The following SLC19A2 variants were observed in gnomAD, a reference collection of about 807,000 sequenced individuals.
The protein encoded by SLC19A2 is thiamine transporter 1.
In SLC19A2, 27 loss-of-function variants were observed where a neutral mutation model predicts 44.7. The ratio of observed to expected loss-of-function variants is 0.60; its 90% CI spans 0.45 to 0.83. The LOEUF is 0.83. SLC19A2 is among the 40% of genes least tolerant of loss of function. The pLI is 0.00. For missense variants in SLC19A2, 566 were observed against 613.7 expected (o/e 0.92, Z 0.82); for synonymous variants, 239 against 243.6 (o/e 0.98, Z 0.18).
intron 5 of SLC19A2, among the ~76,000 whole-genome samples, chr1:169,467,469 G>A (rs536830437): frequency 6.6e-6 from 1 of 150,734 alleles, no homozygotes; most frequent in East Asian, 2.5e-4. Context: ...GGTTGGGATG[G>A]GGGTGGGAGT....
At chr1:169,472,212 A>G (rs1658202360) in intron 2 of SLC19A2, among the ~76,000 whole-genome samples, 1 of 152,242 alleles carries the variant, frequency 6.6e-6, no homozygotes, top group African/African-American at 2.4e-5. Context: ...AATGGTACCA[A>G]GCACATTTTC....
chr1:169,483,902 T>G (rs1571541776), intron 1 of SLC19A2, among the ~76,000 whole-genome samples: 1 of 152,340 alleles, frequency 6.6e-6, no homozygotes, highest in Non-Finnish European at 1.5e-5. Context: ...TTGTTTTGGG[T>G]CTCCAGAATC....
Position 169,468,216 on chromosome 1 carries a change from A to G in SLC19A2, c.1260T>C (p.Tyr420=). ...QIAANLSMER[Y]ALVFGVNTFI... ...AGGTATTTACACCAAATACTAGGGC[A>G]TAGCGTTCCATGCTGAGGTTTGCAG... Residue 420 remains tyrosine (Y), a synonymous_variant, in exon 5 of 6, where the codon TAT becomes TAC. Transcript: ENST00000236137. The G allele has an allele frequency of 6.2e-7, 1 of 1,613,998 alleles. No homozygotes were observed. Among genetic ancestry groups the G allele is most frequent in the South Asian group, 1.1e-5 (1 of 91,076 alleles).
Position 169,477,552 on chromosome 1 carries a change from G to A in SLC19A2, c.410C>T (p.Thr137Ile). Reference protein sequence around the residue: ...LEFFYGIATATEIAYYSYIYS... With the variant: ...LEFFYGIATAIEIAYYSYIYS... ...GATATAAGAGTAATAGGCAATTTCA[G>A]TGGCTGTGGCGATGCCATAAAAAAA... is the stretch of plus-strand genomic sequence containing the variant. The change falls in exon 2 of 6, where the codon ACT (threonine) becomes ATT (isoleucine). Residue 137 changes from threonine (T) to isoleucine (I), a missense_variant. Thr to Ile is a moderately conservative substitution (Grantham distance 89). Coordinates refer to ENST00000236137, the MANE Select transcript of SLC19A2 (RefSeq NM_006996.3). The A allele has an allele frequency of 6.2e-7, 1 of 1,614,186 alleles. No homozygotes were observed. Among genetic ancestry groups the A allele is most frequent in the Non-Finnish European group, 8.5e-7 (1 of 1,180,040 alleles).
rs531115613 is a variant in SLC19A2, at chr1:169,468,975, A to G, written c.1031-139T>C. The G allele has an allele frequency of 2.0e-5, 14 of 710,596 alleles. No individual in the cohort carries two copies. The East Asian group carries it at 3.0e-4, about 15-fold the overall frequency. 44.0% of individuals were successfully genotyped at this position (710,596 alleles called of 1,614,324 possible). ...TAGCTCAAGATTATGGAGGGCCTTG[A>G]AACTCACACAGAAATTTCTGAACTT... On this transcript the variant is annotated intron_variant, in intron 3 of 5. Coordinates refer to ENST00000236137, the MANE Select transcript of SLC19A2 (RefSeq NM_006996.3).
intron 2 of SLC19A2, among the ~76,000 whole-genome samples, chr1:169,471,447 T>C (rs915304391): frequency 5.5e-5 from 8 of 146,000 alleles, no homozygotes; most frequent in African/African-American, 2.0e-4. Flanking sequence ...CTGGGCAACA[T>C]AGTAAGATCC....
chr1:169,468,355 C>T (rs925971909), intron 4 of SLC19A2, 103 bp from the exon 5 acceptor site: 6 of 1,028,884 alleles, frequency 5.8e-6, no homozygotes, highest in East Asian at 2.6e-5. Flanking sequence ...CATGAAGAGT[C>T]CTTCTTTCTA....
chr1:169,483,536 A>C (rs940031546), intron 1 of SLC19A2, among the ~76,000 whole-genome samples: 4 of 152,238 alleles, frequency 2.6e-5, no homozygotes, highest in African/African-American at 9.6e-5. Flanking sequence ...ATTTGCAATA[A>C]GAGAAGTACA....
rs886045531 is a variant in SLC19A2, at chr1:169,485,768, C to T, written c.-2G>A. ...AGACACCGGGCCGGGCACATCCATC[C>T]GGGGCGCGAGGGGAGGGGACCCGGC... On this transcript the variant is annotated 5_prime_UTR_variant, in exon 1 of 6. Transcript: ENST00000236137. 3.1e-5 allele frequency: 47 copies of T among 1,530,678 alleles called. No individual in the cohort carries two copies. The Admixed American group carries it at 9.0e-4, about 29-fold the overall frequency. The allele number at this position is 1,530,678 out of a possible 1,614,324, so 94.8% of individuals were successfully genotyped here.
At chr1:169,472,512 A>T (rs149445885) in intron 2 of SLC19A2, among the ~76,000 whole-genome samples, 16 of 152,350 alleles carry the variant, frequency 1.1e-4, no homozygotes, top group Non-Finnish European at 2.1e-4. Context: ...AAGATTATAC[A>T]GAGTTACACT....
intron 3 of SLC19A2, 120 bp downstream of exon 3, chr1:169,469,844 A>G (rs1342208995): frequency 4.3e-6 from 4 of 935,982 alleles, no homozygotes; most frequent in Admixed American, 1.9e-5. Flanking sequence ...CTAGCTCAAA[A>G]TAATCATTTT....
chr1:169,475,721 C>T (rs528527849), intron 2 of SLC19A2, among the ~76,000 whole-genome samples: 31 of 152,240 alleles, frequency 2.0e-4, no homozygotes, highest in East Asian at 1.7e-3. Context: ...GTCATTCTGA[C>T]AAAAAGTGCT....
At chr1:169,475,170 T>C (rs1034899712) in intron 2 of SLC19A2, among the ~76,000 whole-genome samples, 15 of 152,180 alleles carry the variant, frequency 9.9e-5, no homozygotes, top group Non-Finnish European at 2.1e-4. Flanking sequence ...GTATATAAAA[T>C]ACTGACACAC....
chr1:169,465,942 A>C lies in SLC19A2; in HGVS notation c.1401T>G (p.Ala467=). 1 of 1,614,122 alleles carries C rather than the reference A, an allele frequency of 6.2e-7. No homozygotes were observed. Among genetic ancestry groups the C allele is most frequent in the Non-Finnish European group, 8.5e-7 (1 of 1,179,968 alleles). The change falls in exon 6 of 6, where the codon GCT becomes GCG. Residue 467 remains alanine (A), a synonymous_variant. Transcript: ENST00000236137. ...LIYASYFALI[A]VVFLASGAVS... is the part of the protein sequence containing the mutation. Reference sequence around the variant, plus strand: ...CTGCACCACTGGCCAGGAAAACCACAGCGATGAGTGCAAAATAACTGGCAT... The same window carrying C: ...CTGCACCACTGGCCAGGAAAACCACCGCGATGAGTGCAAAATAACTGGCAT...
rs765247758 is a variant in SLC19A2, at chr1:169,477,435, C to T, written c.527G>A (p.Gly176Glu). 6.2e-7 allele frequency: 1 copy of T among 1,614,120 alleles called. No homozygotes were observed. The highest frequency in any genetic ancestry group is 1.1e-5 in the South Asian group (1 of 91,074). The part of the protein sequence containing the change: ...LVGFTVGSVL[G>E]QILVSVAGWS... ...GCCTGCCACTGAGACAAGGATTTGC[C>T]CTAGGACAGAGCCCACTGTAAAGCC... The change falls in exon 2 of 6, where the codon GGG becomes GAG. Residue 176 changes from glycine to glutamate, a missense_variant. Gly to Glu is a moderately conservative substitution (Grantham distance 98). Coordinates refer to ENST00000236137, the MANE Select transcript of SLC19A2 (RefSeq NM_006996.3).
Position 169,465,861 on chromosome 1 carries a change from T to TA in SLC19A2, c.1481dup (p.Thr495AsnfsTer8), listed in dbSNP as rs1657974167. On this transcript the variant is annotated frameshift_variant, in exon 6 of 6. Coordinates refer to ENST00000236137, the MANE Select transcript of SLC19A2 (RefSeq NM_006996.3). LOFTEE classifies it high-confidence loss of function. ...CTTCAGCAGTATATTATGAAGTGGT[T>TA]ACTTGAGAACTTGATTGTGGATCTT... 1 of 1,613,900 alleles carries TA rather than the reference T, an allele frequency of 6.2e-7. No individual in the cohort carries two copies. The highest frequency in any genetic ancestry group is 8.5e-7 in the Non-Finnish European group (1 of 1,179,948).
In SLC19A2 at chr1:169,485,775, C is replaced by T; in HGVS notation, c.-9G>A. On this transcript the variant is annotated 5_prime_UTR_variant, in exon 1 of 6. Coordinates refer to ENST00000236137, the MANE Select transcript of SLC19A2 (RefSeq NM_006996.3). ...GGGCCGGGCACATCCATCCGGGGCG[C>T]GAGGGGAGGGGACCCGGCCCGGCCC... 6.5e-7 allele frequency: 1 copy of T among 1,527,974 alleles called. No homozygotes were observed. Among genetic ancestry groups the T allele is most frequent in the Non-Finnish European group, 8.7e-7 (1 of 1,142,882 alleles). 94.7% of individuals were successfully genotyped at this position (1,527,974 alleles called of 1,614,324 possible).
chr1:169,473,198 T>C (rs567987200), intron 2 of SLC19A2, among the ~76,000 whole-genome samples: 6 of 152,186 alleles, frequency 3.9e-5, no homozygotes, highest in African/African-American at 7.2e-5. Flanking sequence ...TCTACTGTAG[T>C]GGTGGTTTTT....
At position 169,464,721 on chromosome 1, in the gene SLC19A2, A is replaced by G. The variant is rs1299740602; in HGVS notation, c.*1128T>C. The G allele has an allele frequency of 6.6e-6, 1 of 152,624 alleles. No individual in the cohort carries two copies. The highest frequency in any genetic ancestry group is 1.5e-5 in the Non-Finnish European group (1 of 68,008). The allele number at this position is 152,624 out of a possible 1,614,324, so 9.5% of individuals were successfully genotyped here. On this transcript the variant is annotated 3_prime_UTR_variant, in exon 6 of 6. Coordinates refer to ENST00000236137, the MANE Select transcript of SLC19A2 (RefSeq NM_006996.3). ...ATGAAATCACTAGCAATTTTAAGCA[A>G]ATATTCAAGATGATCTACCTTTAGA...
Sources: gnomAD v4.1 joint callset for allele counts (sites outside exome capture counted in the v4.1 genomes callset) on GRCh38, gnomAD v4.1.1 for gene constraint, MANE v1.5 for transcripts, NCBI Gene and HGNC (gene_info 2026-07-23, HGNC 2026-07-21) for gene names.